The following MANEAL variants were observed in gnomAD, a reference collection of about 807,000 sequenced individuals.
MANEAL encodes glycoprotein endo-alpha-1,2-mannosidase-like protein.
A neutral mutation model predicts 35.9 loss-of-function variants in MANEAL; 28 were observed. The ratio of observed to expected loss-of-function variants is 0.78; its 90% confidence interval spans 0.58 to 1.07. MANEAL has a LOEUF of 1.07. Ranked by LOEUF, MANEAL falls within the 50% of genes least tolerant of loss-of-function variation. The probability of loss-of-function intolerance (pLI) is 0.00; values close to 1 mark genes in which losing one functional copy is unlikely to be tolerated. For missense variants in MANEAL, 576 were observed against 629.6 expected, an observed-to-expected ratio of 0.91 and a Z score of 0.91; for synonymous variants, 286 against 272.2, an observed-to-expected ratio of 1.05 and a Z score of -0.50.
rs1646687242 is a variant in MANEAL, at chr1:37,800,268, G to T, written c.*65G>T. The T allele has an allele frequency of 6.4e-7, 1 of 1,566,586 alleles. No homozygotes were observed. The highest frequency in any genetic ancestry group is 8.6e-7 in the Non-Finnish European group (1 of 1,157,982). On this transcript the variant is annotated 3_prime_UTR_variant, in exon 4 of 4. Coordinates refer to ENST00000373045, the MANE Select transcript of MANEAL (RefSeq NM_001113482.2). Reference sequence around the variant, plus strand: ...TTGCTGGAAGATGTCACCATGTGGGGTTCAGCTGAGGTTGTAGCCACTCAC... The same window carrying T: ...TTGCTGGAAGATGTCACCATGTGGGTTTCAGCTGAGGTTGTAGCCACTCAC...
At position 37,794,342 on chromosome 1, in the gene MANEAL, G is replaced by T. The variant is rs959199571; in HGVS notation, c.160G>T (p.Ala54Ser). 3 of 1,081,174 alleles carry T rather than the reference G, an allele frequency of 2.8e-6. No individual in the cohort carries two copies. The highest frequency in any genetic ancestry group is 3.4e-6 in the Non-Finnish European group (3 of 891,508). The allele number at this position is 1,081,174 out of a possible 1,614,324, so 67.0% of individuals were successfully genotyped here. Residue 54 changes from alanine to serine, a missense_variant, in exon 1 of 4, where the codon GCC becomes TCC. Coordinates refer to ENST00000373045, the MANE Select transcript of MANEAL (RefSeq NM_001113482.2). The surrounding 1 kb of genome is among the most constrained non-coding windows in gnomAD (Gnocchi z 5.7). ...GCCCTTTGAGCGACGCCCAGAGGGG[G>T]CCCCCGCGCCCGCTGCCAGGGCCCC... ...LAPFERRPEG[A>S]PAPAARAPAA...
At position 37,794,179 on chromosome 1, in the gene MANEAL, G is replaced by A. The variant is rs1468696884; in HGVS notation, c.-4G>A. On this transcript the variant is annotated 5_prime_UTR_variant, in exon 1 of 4. Transcript: ENST00000373045. The surrounding 1 kb of genome is among the most constrained non-coding windows in gnomAD (Gnocchi z 5.7). ...GCGGCGGCTGCAGGAGCGCACAGTC[G>A]GCCATGGCCCGGCGGCGGCGCCGCG... The A allele has an allele frequency of 1.6e-6, 2 of 1,239,480 alleles. No homozygotes were observed. Among genetic ancestry groups the A allele is most frequent in the Non-Finnish European group, 1.0e-6 (1 of 978,206 alleles). The allele number at this position is 1,239,480 out of a possible 1,614,324, so 76.8% of individuals were successfully genotyped here. A position where few individuals can be genotyped will look rare whatever the true frequency, so the allele number is the denominator to read the frequency against.
In MANEAL at chr1:37,794,285, C is replaced by A; in HGVS notation, c.103C>A (p.Leu35Ile). 1.6e-6 allele frequency: 2 copies of A among 1,245,210 alleles called. No homozygotes were observed. The allele number at this position is 1,245,210 out of a possible 1,614,324, so 77.1% of individuals were successfully genotyped here. The change falls in exon 1 of 4, where the codon CTC becomes ATC. Residue 35 changes from leucine (L) to isoleucine (I), a missense_variant. Around this residue, in one of 3 missense-constraint regions of MANEAL, gnomAD observed 122 missense variants for 97.2 expected, o/e 1.26. Transcript: ENST00000373045. This position sits in a 1 kb window ranked among gnomAD's most constrained non-coding sequence, Gnocchi z 5.7. ...GCGCACGCTCAAGGCTCCGGACGGACTCCCGGCGCTGGGCCCGGGCCTGGA... is the reference window on the plus strand; with the variant it reads ...GCGCACGCTCAAGGCTCCGGACGGAATCCCGGCGCTGGGCCCGGGCCTGGA... ...GLRTLKAPDG[L>I]PALGPGLELA... is the part of the protein sequence containing the mutation.
rs141776574 is a variant in MANEAL at position 37,799,734 on chromosome 1, T to A, written c.905T>A (p.Ile302Lys). ...IRNTPYDGVF[I>K]ALLVEEGHTH... Reference sequence around the variant, plus strand: ...AACACGCCCTACGATGGGGTCTTCATAGCGCTGCTGGTGGAGGAGGGCCAC... The same window carrying A: ...AACACGCCCTACGATGGGGTCTTCAAAGCGCTGCTGGTGGAGGAGGGCCAC... Residue 302 changes from isoleucine to lysine, a missense_variant, in exon 4 of 4, where the codon ATA (isoleucine) becomes AAA (lysine). Transcript: ENST00000373045. This position sits in a 1 kb window ranked among gnomAD's most constrained non-coding sequence, Gnocchi z 4.1. The A allele has an allele frequency of 4.8e-5, 78 of 1,614,120 alleles. No individual in the cohort carries two copies. Among genetic ancestry groups the A allele is most frequent in the Non-Finnish European group, 6.3e-5 (74 of 1,180,044 alleles).
intron 1 of MANEAL, 134 bp from the exon 2 acceptor site, chr1:37,795,603 G>A (rs1646638881): frequency 6.6e-7 from 1 of 1,504,996 alleles, no homozygotes; most frequent in Non-Finnish European, 8.9e-7. Flanking sequence ...TCATCTGCAG[G>A]AAGTGAACCT....
At position 37,794,574 on chromosome 1, in the gene MANEAL, C is replaced by G; in HGVS notation, c.392C>G (p.Pro131Arg). 6.2e-7 allele frequency: 1 copy of G among 1,611,918 alleles called. No individual in the cohort carries two copies. Among genetic ancestry groups the G allele is most frequent in the Non-Finnish European group, 8.5e-7 (1 of 1,179,648 alleles). The change falls in exon 1 of 4, where the codon CCG becomes CGG. Residue 131 changes from proline (P) to arginine (R), a missense_variant. Pro to Arg is a moderately radical substitution (Grantham distance 103). Transcript: ENST00000373045. The surrounding 1 kb of genome is among the most constrained non-coding windows in gnomAD (Gnocchi z 5.7). ...HYIHWDHVMV[P>R]HWDPKISASY... ...ATTCACTGGGACCACGTCATGGTGC[C>G]GCACTGGGACCCCAAGATCTCGGCC...
intron 1 of MANEAL, among the ~76,000 whole-genome samples, chr1:37,795,185 A>G (rs918772861): frequency 6.6e-6 from 1 of 152,152 alleles, no homozygotes; most frequent in African/African-American, 2.4e-5. Context: ...CCCGTGTTCC[A>G]TGAAGGCCTC....
chr1:37,796,849 G>C (rs749430068), intron 3 of MANEAL, 29 bp downstream of exon 3: 1 of 1,590,208 alleles, frequency 6.3e-7, no homozygotes, highest in Non-Finnish European at 8.6e-7. Flanking sequence ...CCGGGATTTT[G>C]GTGGGGATCA....
intron 2 of MANEAL, among the ~76,000 whole-genome samples, chr1:37,796,237 C>T (rs1324604233): frequency 6.6e-6 from 1 of 152,118 alleles, no homozygotes; most frequent in Non-Finnish European, 1.5e-5. Context: ...CAGGTGGGCT[C>T]ACTTTCAAGA....
intron 3 of MANEAL, among the ~76,000 whole-genome samples, chr1:37,798,798 A>T (rs1295124927): frequency 1.3e-5 from 2 of 151,644 alleles, no homozygotes; most frequent in African/African-American, 4.8e-5. Flanking sequence ...CAGCACTTTG[A>T]GAGGCTGAGG....
chr1:37,796,538 A>G (rs868490800), intron 2 of MANEAL, among the ~76,000 whole-genome samples: 1 of 152,152 alleles, frequency 6.6e-6, no homozygotes, highest in South Asian at 2.1e-4. Context: ...TGATTCCCAC[A>G]TGCCCTGCTG....
Position 37,794,793 on chromosome 1 carries a change from C to A in MANEAL, c.550+61C>A, listed in dbSNP as rs1433469001. 2.7e-6 allele frequency: 3 copies of A among 1,096,316 alleles called. No individual in the cohort carries two copies. The highest frequency in any genetic ancestry group is 2.9e-5 in the South Asian group (2 of 68,662). The allele number at this position is 1,096,316 out of a possible 1,614,324, so 67.9% of individuals were successfully genotyped here. ...AGCCTCACCCTTCCTCCTTCCCACA[C>A]CCCAGCTCCCTCTGGTCCTGTCACC... On this transcript the variant is annotated intron_variant, in intron 1 of 3. Coordinates refer to ENST00000373045, the MANE Select transcript of MANEAL (RefSeq NM_001113482.2). The surrounding 1 kb of genome is among the most constrained non-coding windows in gnomAD (Gnocchi z 5.7).
Position 37,794,539 on chromosome 1 carries a change from G to T in MANEAL, c.357G>T (p.Glu119Asp). 1 of 1,611,770 alleles carries T rather than the reference G, an allele frequency of 6.2e-7. No individual in the cohort carries two copies. Among genetic ancestry groups the T allele is most frequent in the Non-Finnish European group, 8.5e-7 (1 of 1,179,614 alleles). The stretch of plus-strand genomic sequence containing the variant: ...CGTGGTACGGGAGCCCGCGGCGCGA[G>T]GGCCACTACATTCACTGGGACCACG... ...YYSWYGSPRR[E>D]GHYIHWDHVM... The change falls in exon 1 of 4, where the codon GAG becomes GAT. Residue 119 changes from glutamate (E) to aspartate (D), a missense_variant. Physicochemically the swap from Glu to Asp is conservative, Grantham distance 45. Coordinates refer to ENST00000373045, the MANE Select transcript of MANEAL (RefSeq NM_001113482.2). The surrounding 1 kb of genome is among the most constrained non-coding windows in gnomAD (Gnocchi z 5.7).
At chr1:37,797,313 A>G (rs1163560846) in intron 3 of MANEAL, among the ~76,000 whole-genome samples, 1 of 151,760 alleles carries the variant, frequency 6.6e-6, no homozygotes, top group Non-Finnish European at 1.5e-5. Context: ...AGGCAGGAAA[A>G]TCGCTTGAAT....
At position 37,795,841 on chromosome 1, in the gene MANEAL, ATCCAGGTGAG is replaced by A; in HGVS notation, c.658_660+7del. ...TCTGGACACCGCCCATCAGTACAGC[ATCCAGGTGAG>A]TCTCCAAGAAGAGGCCACGTGCTCT... On this transcript the variant is annotated splice_donor_variant and splice_donor_5th_base_variant and coding_sequence_variant and intron_variant, in exon 2 of 4. Coordinates refer to ENST00000373045, the MANE Select transcript of MANEAL (RefSeq NM_001113482.2). LOFTEE classifies it high-confidence loss of function. 1 of 1,613,854 alleles carries A rather than the reference ATCCAGGTGAG, an allele frequency of 6.2e-7. No homozygotes were observed. Among genetic ancestry groups the A allele is most frequent in the Non-Finnish European group, 8.5e-7 (1 of 1,179,818 alleles).
rs1220794769 is a variant in MANEAL at position 37,794,102 on chromosome 1, G to A, written c.-81G>A. ...GCTCTGCCGGGCGCACAGTCTGCCT[G>A]GGAAGCGCGCGGCCGGGCGGGCGGC... On this transcript the variant is annotated 5_prime_UTR_variant, in exon 1 of 4. Coordinates refer to ENST00000373045, the MANE Select transcript of MANEAL (RefSeq NM_001113482.2). The surrounding 1 kb of genome is among the most constrained non-coding windows in gnomAD (Gnocchi z 5.7). 4 of 997,952 alleles carry A rather than the reference G, an allele frequency of 4.0e-6. No individual in the cohort carries two copies. The highest frequency in any genetic ancestry group is 2.4e-6 in the Non-Finnish European group (2 of 821,766). The allele number at this position is 997,952 out of a possible 1,614,324, so 61.8% of individuals were successfully genotyped here. A position where few individuals can be genotyped will look rare whatever the true frequency, so the allele number is the denominator to read the frequency against.
chr1:37,799,956 G>C lies in MANEAL; in HGVS notation c.1127G>C (p.Arg376Pro), dbSNP rs149320837. Residue 376 changes from arginine to proline, a missense_variant, in exon 4 of 4, where the codon CGC (arginine) becomes CCC (proline). Transcript: ENST00000373045. The surrounding 1 kb of genome is among the most constrained non-coding windows in gnomAD (Gnocchi z 4.1). Reference sequence around the variant, plus strand: ...CGGCCCTGGAACAACCACAATACGCGCAACAGGGTCAATGGCAAGTACTAT... The same window carrying C: ...CGGCCCTGGAACAACCACAATACGCCCAACAGGGTCAATGGCAAGTACTAT... ...SIRPWNNHNT[R>P]NRVNGKYYET... 1 of 1,614,058 alleles carries C rather than the reference G, an allele frequency of 6.2e-7. No homozygotes were observed. The highest frequency in any genetic ancestry group is 1.3e-5 in the African/African-American group (1 of 74,914).
intron 2 of MANEAL, 76 bp from the exon 3 acceptor site, chr1:37,796,668 G>T: frequency 7.4e-7 from 1 of 1,357,896 alleles, no homozygotes; most frequent in South Asian, 1.3e-5. Context: ...TCCAGGCCAT[G>T]GTTAGATCCT....
rs1175076312 is a variant in MANEAL at position 37,799,231 on chromosome 1, G to T, written c.738-336G>T. Among the ~76,000 whole-genome samples the T allele has an allele frequency of 6.6e-6, 1 of 152,114 alleles. No homozygotes were observed. The highest frequency in any genetic ancestry group is 2.4e-5 in the African/African-American group (1 of 41,406). On this transcript the variant is annotated intron_variant, in intron 3 of 3. Transcript: ENST00000373045. The surrounding 1 kb of genome is among the most constrained non-coding windows in gnomAD (Gnocchi z 4.1). ...GGAGTAATAGCTGGGAAAAGAGCAG[G>T]AATGGAGTAGGCAGGGCCAGATCAA...
Sources: allele counts gnomAD v4.1 joint callset (sites outside exome capture counted in the v4.1 genomes callset), GRCh38; gene constraint gnomAD v4.1.1; regional missense constraint gnomAD v4.1.1; non-coding constraint Gnocchi (gnomAD v3.1); transcripts MANE v1.5; gene names NCBI Gene and HGNC (gene_info 2026-07-23, HGNC 2026-07-21).